RHOBTB1: variants seen among roughly 807,000 people sequenced by gnomAD.
The protein encoded by RHOBTB1 is Rho related BTB domain containing 1.
A neutral mutation model predicts 71.6 loss-of-function variants in RHOBTB1; 40 were observed. The ratio of observed to expected loss-of-function variants is 0.56; its 90% CI spans 0.43 to 0.73. The LOEUF (loss-of-function observed/expected upper bound fraction) is 0.73. Ranked by LOEUF, RHOBTB1 falls within the 30% of genes least tolerant of loss-of-function variation. The probability of loss-of-function intolerance (pLI) is 0.00; values close to 1 mark genes in which losing one functional copy is unlikely to be tolerated. For missense variants in RHOBTB1, 797 were observed against 894.0 expected, an observed-to-expected ratio of 0.89 and a Z score of 1.38; for synonymous variants, 319 against 334.9, an observed-to-expected ratio of 0.95 and a Z score of 0.52.
At chr10:60,864,772 A>C (rs913759375), downstream of RHOBTB1, among the ~76,000 whole-genome samples, 1 of 151,064 alleles carries the variant, frequency 6.6e-6, no homozygotes, top group African/African-American at 2.4e-5. Flanking sequence ...GGCTCACTGC[A>C]ACCTCCGCCT....
intron 4 of RHOBTB1, among the ~76,000 whole-genome samples, chr10:60,899,889 T>C (rs1211479673): frequency 6.6e-6 from 1 of 152,074 alleles, no homozygotes; most frequent in Non-Finnish European, 1.5e-5. Flanking sequence ...GAAGCAAAAA[T>C]TGCTGTTGAA....
intron 4 of RHOBTB1, 153 bp downstream of exon 4, chr10:60,910,734 A>ATTTTTTTTTTT: frequency 2.1e-5 from 12 of 560,386 alleles, no homozygotes; most frequent in South Asian, 2.7e-5. Context: ...AAACAATACC[A>ATTTTTTTTTTT]TTTTTTTTTC....
intron 2 of RHOBTB1, chr10:60,912,751 A>T (rs541900230): frequency 6.6e-6 from 1 of 152,358 alleles, no homozygotes; most frequent in African/African-American, 2.4e-5. Context: ...CTCCCCAGGG[A>T]CAGGACCCTC....
intron 2 of RHOBTB1, among the ~76,000 whole-genome samples, chr10:60,923,982 A>T (rs1441189827): frequency 6.6e-6 from 1 of 152,166 alleles, no homozygotes; most frequent in Non-Finnish European, 1.5e-5. Context: ...TGTGTTCCTG[A>T]AGAACTGAGG....
Position 60,877,955 on chromosome 10 carries a change from A to G in RHOBTB1, c.1679T>C (p.Ile560Thr). 6.2e-7 allele frequency: 1 copy of G among 1,614,080 alleles called. No individual in the cohort carries two copies. Among genetic ancestry groups the G allele is most frequent in the Non-Finnish European group, 8.5e-7 (1 of 1,179,960 alleles). The change falls in exon 8 of 11, where the codon ATT becomes ACT. Residue 560 changes from isoleucine (I) to threonine (T), a missense_variant. Ile to Thr is a moderately conservative substitution (Grantham distance 89). Around this residue, in one of 2 missense-constraint regions of RHOBTB1, gnomAD observed 658 missense variants for 681.5 expected, o/e 0.97. Coordinates refer to ENST00000337910, the MANE Select transcript of RHOBTB1 (RefSeq NM_014836.5). ...PNLDLDPLEL[I>T]ALANRFCLPH... The stretch of plus-strand genomic sequence containing the variant: ...CAGGCAAAATCTGTTTGCCAAGGCA[A>G]TTAATTCCAGCGGGTCCAGATCCAA...
intron 2 of RHOBTB1, among the ~76,000 whole-genome samples, chr10:60,959,160 A>G (rs2085696811): frequency 6.6e-6 from 1 of 152,168 alleles, no homozygotes; most frequent in South Asian, 2.1e-4. Context: ...TGTAACACCC[A>G]TCTGTGACTA....
chr10:60,936,876 G>A (rs1425102525), intron 2 of RHOBTB1, among the ~76,000 whole-genome samples: 1 of 152,180 alleles, frequency 6.6e-6, no homozygotes, highest in African/African-American at 2.4e-5. Context: ...CATAGCAGTT[G>A]GTGAGTTCTC....
chr10:60,865,879 TG>T (rs1308307094), downstream of RHOBTB1, among the ~76,000 whole-genome samples: 1 of 152,206 alleles, frequency 6.6e-6, no homozygotes, highest in East Asian at 1.9e-4. Flanking sequence ...TCACCCAGGC[TG>T]GAGTGCAGTG....
intron 2 of RHOBTB1, among the ~76,000 whole-genome samples, chr10:60,926,886 T>G (rs2083913784): frequency 6.6e-6 from 1 of 152,100 alleles, no homozygotes; most frequent in Admixed American, 6.5e-5. Context: ...TCAGAGCAAT[T>G]GGACATGAGA....
chr10:60,863,923 C>T, the RHOBTB1 span, among the ~76,000 whole-genome samples: 1 of 151,446 alleles, frequency 6.6e-6, no homozygotes, highest in South Asian at 2.1e-4. Flanking sequence ...ACTCCCATTG[C>T]AGGACTCCTC....
At chr10:60,880,202 T>TGTGAGA (rs1418979791) in intron 7 of RHOBTB1, among the ~76,000 whole-genome samples, 22 of 127,010 alleles carry the variant, frequency 1.7e-4, no homozygotes, top group South Asian at 1.4e-3. Flanking sequence ...TGTGTGTGTG[T>TGTGAGA]GAGAGAGAGA....
At chr10:60,906,876 T>C (rs1278241299) in intron 4 of RHOBTB1, among the ~76,000 whole-genome samples, 2 of 152,228 alleles carry the variant, frequency 1.3e-5, no homozygotes, top group Non-Finnish European at 2.9e-5. Flanking sequence ...ATGGTTTGGC[T>C]GTGTCCCCAC....
intron 1 of RHOBTB1, among the ~76,000 whole-genome samples, chr10:60,989,218 GTTAT>G (rs2086774587): frequency 1.3e-5 from 2 of 152,062 alleles, no homozygotes; most frequent in Non-Finnish European, 2.9e-5. Context: ...AAGTTGATGT[GTTAT>G]TTTTCTTTCT....
chr10:60,890,450 C>A (rs1320675915), intron 5 of RHOBTB1, among the ~76,000 whole-genome samples: 2 of 151,398 alleles, frequency 1.3e-5, no homozygotes, highest in Admixed American at 1.3e-4. Context: ...GCACACAAGG[C>A]CCATTTACAA....
At chr10:60,939,643 A>C (rs897430747) in intron 2 of RHOBTB1, among the ~76,000 whole-genome samples, 1 of 152,170 alleles carries the variant, frequency 6.6e-6, no homozygotes, top group Non-Finnish European at 1.5e-5. Flanking sequence ...GAACAAAAGA[A>C]CCACATTCAA....
intron 2 of RHOBTB1, among the ~76,000 whole-genome samples, chr10:60,935,984 T>C (rs773615210): frequency 2.0e-5 from 3 of 152,204 alleles, no homozygotes; most frequent in Non-Finnish European, 4.4e-5. Flanking sequence ...TTGTTCTAGA[T>C]CTAAGAAAAT....
intron 9 of RHOBTB1, among the ~76,000 whole-genome samples, chr10:60,874,274 C>T (rs1316507591): frequency 6.6e-6 from 1 of 152,200 alleles, no homozygotes; most frequent in Non-Finnish European, 1.5e-5. Flanking sequence ...GCAGATGTGC[C>T]TGGCATTGTA....
chr10:60,886,515 C>T (rs185490531), intron 6 of RHOBTB1, among the ~76,000 whole-genome samples: 1 of 152,150 alleles, frequency 6.6e-6, no homozygotes, highest in East Asian at 1.9e-4. Context: ...CTATGCAAAA[C>T]TTCAAGCATA....
At chr10:60,952,267 C>A (rs537441822) in intron 2 of RHOBTB1, among the ~76,000 whole-genome samples, 3 of 152,190 alleles carry the variant, frequency 2.0e-5, no homozygotes, top group South Asian at 4.1e-4. Flanking sequence ...TGAAAAGGCA[C>A]TTTGAGATCA....
Sources: allele counts gnomAD v4.1 joint callset (sites outside exome capture counted in the v4.1 genomes callset), GRCh38; gene constraint gnomAD v4.1.1; regional missense constraint gnomAD v4.1.1; transcripts MANE v1.5; gene names NCBI Gene and HGNC (gene_info 2026-07-23, HGNC 2026-07-21).